The following MECOM variants were observed in gnomAD, a reference collection of about 807,000 sequenced individuals.
MECOM encodes histone-lysine N-methyltransferase MECOM.
MECOM carries 13 observed loss-of-function variants against 116.3 expected under a neutral mutation model. The observed-to-expected ratio is 0.11, with a 90% CI of 0.07 to 0.18. The LOEUF is 0.18. Among genes scored for constraint, MECOM ranks in the 10% least tolerant of loss-of-function variants. MECOM has a pLI of 1.00. For synonymous variants in MECOM, 528 were observed against 535.2 expected (o/e 0.99, Z 0.19); for missense variants, 1,299 against 1,509.0 (o/e 0.86, Z 2.31).
intron 1 of MECOM, among the ~76,000 whole-genome samples, chr3:169,626,614 T>G (rs570976929): frequency 3.9e-5 from 6 of 152,234 alleles, no homozygotes; most frequent in Non-Finnish European, 4.4e-5. Context: ...AGCCTTCCTC[T>G]CCCTCGTGAT....
chr3:169,382,849 C>CAAAAAAAAAAAAAA (rs1157852145), intron 1 of MECOM, among the ~76,000 whole-genome samples: 3 of 47,150 alleles, frequency 6.4e-5, no homozygotes, highest in African/African-American at 2.7e-4. Context: ...AAGCCCATCT[C>CAAAAAAAAAAAAAA]AAAAAAAAAA....
chr3:169,498,747 T>C (rs1182231326), intron 1 of MECOM, among the ~76,000 whole-genome samples: 1 of 152,182 alleles, frequency 6.6e-6, no homozygotes, highest in East Asian at 1.9e-4. Context: ...AGGTAATTGA[T>C]AAGCCCAATA....
At chr3:169,353,011 A>G (rs778847514) in intron 2 of MECOM, among the ~76,000 whole-genome samples, 1 of 151,910 alleles carries the variant, frequency 6.6e-6, no homozygotes, top group Non-Finnish European at 1.5e-5. Context: ...TCTCCCCAAA[A>G]GGGAAGTTAC....
At chr3:169,290,104 T>C (rs1577603793) in intron 2 of MECOM, among the ~76,000 whole-genome samples, 1 of 152,086 alleles carries the variant, frequency 6.6e-6, no homozygotes. Context: ...TAAACAATAG[T>C]GTTGGAGAGA....
intron 1 of MECOM, among the ~76,000 whole-genome samples, chr3:169,609,323 C>T (rs1768966152): frequency 6.6e-6 from 1 of 152,162 alleles, no homozygotes. Flanking sequence ...TGAATCAAAA[C>T]TATTTCATGA....
At chr3:169,429,776 T>C (rs537003969) in intron 1 of MECOM, among the ~76,000 whole-genome samples, 20 of 152,130 alleles carry the variant, frequency 1.3e-4, no homozygotes, top group Non-Finnish European at 2.5e-4. Flanking sequence ...ATTGGCCAAA[T>C]AGAGTCAATG....
At chr3:169,658,282 G>T (rs1775777941) in intron 1 of MECOM, among the ~76,000 whole-genome samples, 1 of 152,166 alleles carries the variant, frequency 6.6e-6, no homozygotes, top group African/African-American at 2.4e-5. Context: ...AATGTACCTG[G>T]CATCATCAGA....
intron 1 of MECOM, among the ~76,000 whole-genome samples, chr3:169,407,975 GA>G (rs1410482804): frequency 2.0e-5 from 3 of 151,978 alleles, no homozygotes; most frequent in Non-Finnish European, 4.4e-5. Flanking sequence ...AAAATTCCAA[GA>G]TTTAGAGATC....
intron 1 of MECOM, among the ~76,000 whole-genome samples, chr3:169,586,228 A>G (rs1472163456): frequency 1.3e-5 from 2 of 152,272 alleles, no homozygotes; most frequent in East Asian, 1.9e-4. Flanking sequence ...CATAAAAACC[A>G]TAGAAGGTTA....
intron 2 of MECOM, among the ~76,000 whole-genome samples, chr3:169,268,566 T>A (rs1288191992): frequency 1.3e-5 from 2 of 152,246 alleles, no homozygotes; most frequent in East Asian, 3.8e-4. Flanking sequence ...AAATTTTACA[T>A]CATACTTTTA....
At chr3:169,550,324 A>G (rs1328729983) in intron 1 of MECOM, among the ~76,000 whole-genome samples, 15 of 152,200 alleles carry the variant, frequency 9.9e-5, no homozygotes, top group Non-Finnish European at 1.5e-4. Context: ...TTAAAGGCTC[A>G]TTTTACTCTC....
intron 1 of MECOM, among the ~76,000 whole-genome samples, chr3:169,509,904 G>C (rs1012164806): frequency 6.6e-6 from 1 of 152,158 alleles, no homozygotes; most frequent in South Asian, 2.1e-4. Flanking sequence ...AAAGGCAGCC[G>C]GTCAGCATCA....
At chr3:169,319,285 G>T (rs1288223299) in intron 2 of MECOM, among the ~76,000 whole-genome samples, 14 of 152,140 alleles carry the variant, frequency 9.2e-5, no homozygotes, top group Admixed American at 9.2e-4. Flanking sequence ...GGACATGGAT[G>T]AAACTGGAAA....
chr3:169,374,170 C>A (rs1197776694), intron 2 of MECOM, among the ~76,000 whole-genome samples: 1 of 151,696 alleles, frequency 6.6e-6, no homozygotes, highest in African/African-American at 2.4e-5. Flanking sequence ...CCTGCCCCAA[C>A]CCTCTCTCTG....
intron 1 of MECOM, among the ~76,000 whole-genome samples, chr3:169,593,493 A>G (rs9876853): frequency 1.3e-5 from 2 of 152,150 alleles, no homozygotes; most frequent in Non-Finnish European, 1.5e-5. Flanking sequence ...GTAGCTCACT[A>G]TGGCCCATGA....
chr3:169,561,917 G>A (rs1489513562), intron 1 of MECOM, among the ~76,000 whole-genome samples: 2 of 151,836 alleles, frequency 1.3e-5, no homozygotes, highest in African/African-American at 4.8e-5. Flanking sequence ...AGGCCTAAGA[G>A]GGCAGATCAC....
intron 2 of MECOM, among the ~76,000 whole-genome samples, chr3:169,272,458 G>T (rs1759070541): frequency 6.6e-6 from 1 of 152,074 alleles, no homozygotes; most frequent in Non-Finnish European, 1.5e-5. Context: ...ATTGTCCCCA[G>T]AATGTTTTGA....
At chr3:169,330,849 T>G (rs969774052) in intron 2 of MECOM, among the ~76,000 whole-genome samples, 2 of 152,084 alleles carry the variant, frequency 1.3e-5, no homozygotes, top group African/African-American at 4.8e-5. Context: ...AGCTTTCATT[T>G]TATCCTCTTA....
intron 1 of MECOM, among the ~76,000 whole-genome samples, chr3:169,512,279 AG>A (rs1197726690): frequency 2.0e-5 from 3 of 152,188 alleles, no homozygotes; most frequent in Non-Finnish European, 2.9e-5. Context: ...ACTTACTTCC[AG>A]GCCTCCTACT....
Sources: gnomAD v4.1 joint callset for allele counts (sites outside exome capture counted in the v4.1 genomes callset) on GRCh38, gnomAD v4.1.1 for gene constraint, MANE v1.5 for transcripts, NCBI Gene and HGNC (gene_info 2026-07-23, HGNC 2026-07-21) for gene names.